Variants in ZNF875 observed in about 807,000 individuals in gnomAD.
ZNF875 encodes the protein zinc finger protein 875, also known as HKR1, GLI-Kruppel zinc finger family member.
In ZNF875, 14 loss-of-function variants were observed where a neutral mutation model predicts 11.2. The observed-to-expected ratio is 1.26, with a 90% CI of 0.83 to 1.96. ZNF875 has a LOEUF of 1.96. ZNF875 is among the 30% of genes most tolerant of loss of function. ZNF875 has a pLI of 0.00. For missense variants in ZNF875, 752 were observed against 760.4 expected, an observed-to-expected ratio of 0.99 and a Z score of 0.13; for synonymous variants, 301 against 281.1, an observed-to-expected ratio of 1.07 and a Z score of -0.71.
upstream of ZNF875, among the ~76,000 whole-genome samples, chr19:37,331,728 C>T (rs563607963): frequency 8.8e-5 from 13 of 147,762 alleles, no homozygotes; most frequent in East Asian, 2.5e-3. Context: ...AGGTATTGTC[C>T]AAGGTTTCTC....
rs3745764 is a variant in ZNF875, at chr19:37,363,678, C to T, written c.1826C>T (p.Thr609Ile). 398,403 of 1,613,314 alleles carry T rather than the reference C, an allele frequency of 0.25. 50,731 individuals carry two copies. Among genetic ancestry groups the T allele is most frequent in the Middle Eastern group, 0.3 (1,822 of 6,054 alleles). The change falls in exon 5 of 5, where the codon ACA (threonine) becomes ATA (isoleucine). Residue 609 changes from threonine to isoleucine, a missense_variant. Thr to Ile is a moderately conservative substitution (Grantham distance 89, BLOSUM62 -1). Transcript: ENST00000392153. The part of the protein sequence containing the change: ...RQSHLIRHQR[T>I]HSGEKPYICR... ...TCACACCTCATTAGACACCAGAGGA[C>T]ACATTCAGGAGAGAAGCCTTATATT...
intron 2 of ZNF875, chr19:37,346,914 A>G: frequency 3.4e-6 from 1 of 293,038 alleles, no homozygotes; most frequent in Admixed American, 4.9e-5. Flanking sequence ...CCCAGGCTGG[A>G]GTGCAATGGC....
At chr19:37,334,618 C>T, upstream of ZNF875, 2 of 452,810 alleles carry the variant, frequency 4.4e-6, no homozygotes, top group South Asian at 1.6e-5. Context: ...CCCCTCCCTA[C>T]CCTTCAGTGT....
chr19:37,330,428 C>T (rs996608688), upstream of ZNF875, among the ~76,000 whole-genome samples: 3 of 152,186 alleles, frequency 2.0e-5, no homozygotes, highest in Non-Finnish European at 2.9e-5. Flanking sequence ...TAGCCTGATC[C>T]TTGTGCACCC....
At position 37,334,696 on chromosome 19, in the gene ZNF875, A is replaced by G. The variant is rs1250652846; in HGVS notation, c.-143A>G. The G allele has an allele frequency of 4.4e-6, 2 of 456,004 alleles. No homozygotes were observed. The highest frequency in any genetic ancestry group is 1.5e-5 in the South Asian group (1 of 64,562). The allele number at this position is 456,004 out of a possible 1,614,324, so 28.2% of individuals were successfully genotyped here. ...GCGTTAAGCTGGTTGGGACCCGGGA[A>G]GGCCTCCCTCTTAAGGTCTTTCCCA... On this transcript the variant is annotated 5_prime_UTR_variant, in exon 1 of 5. Transcript: ENST00000392153.
upstream of ZNF875, among the ~76,000 whole-genome samples, chr19:37,334,255 G>A (rs1176084478): frequency 1.3e-5 from 2 of 152,140 alleles, no homozygotes; most frequent in African/African-American, 4.8e-5. Context: ...CCTGAGCCGC[G>A]TCTGTCCCGA....
intron 4 of ZNF875, 54 bp from the exon 5 acceptor site, chr19:37,362,055 A>G (rs2040025888): frequency 8.1e-7 from 1 of 1,233,240 alleles, no homozygotes; most frequent in African/African-American, 1.5e-5. Context: ...GCAAGGCAAA[A>G]TTGCCTACAC....
At position 37,363,576 on chromosome 19, in the gene ZNF875, TCA is replaced by T. The variant is rs1491112692; in HGVS notation, c.1725_1726del (p.Ile576Ter). ...CAAGGCTTTTGTGCTAAGTTAACTC[TCA>T]TTAAACACCAGAGAGCACACGCAGG... is the stretch of plus-strand genomic sequence containing the variant. On this transcript the variant is annotated frameshift_variant, in exon 5 of 5. Transcript: ENST00000392153. LOFTEE classifies it low-confidence loss of function (END_TRUNC). 10 of 1,613,624 alleles carry T rather than the reference TCA, an allele frequency of 6.2e-6. No individual in the cohort carries two copies. The highest frequency in any genetic ancestry group is 8.5e-6 in the Non-Finnish European group (10 of 1,179,912).
chr19:37,316,514 C>T (rs573405856), upstream of ZNF875, among the ~76,000 whole-genome samples: 4 of 151,862 alleles, frequency 2.6e-5, no homozygotes, highest in Admixed American at 2.6e-4. Context: ...CGATTACAGG[C>T]ATGTGCCACC....
intron 4 of ZNF875, among the ~76,000 whole-genome samples, chr19:37,361,410 G>A (rs1253324455): frequency 2.0e-5 from 3 of 152,062 alleles, no homozygotes; most frequent in Non-Finnish European, 2.9e-5. Context: ...TTGAGAACAC[G>A]TGCAATATTT....
At chr19:37,358,314 T>A (rs537248887) in intron 4 of ZNF875, among the ~76,000 whole-genome samples, 6 of 151,076 alleles carry the variant, frequency 4.0e-5, no homozygotes, top group African/African-American at 1.2e-4. Context: ...CCTGGCTATA[T>A]TTTTGTATTT....
Position 37,362,765 on chromosome 19 carries a change from T to A in ZNF875, c.913T>A (p.Ser305Thr). The A allele has an allele frequency of 1.9e-6, 3 of 1,613,598 alleles. No individual in the cohort carries two copies. The highest frequency in any genetic ancestry group is 2.5e-6 in the Non-Finnish European group (3 of 1,179,826). ...SNLITHQRTH[S>T]GEKPYVCKDC... The stretch of plus-strand genomic sequence containing the variant: ...CCTGATCACACATCAGAGGACACAC[T>A]CAGGGGAGAAACCTTATGTGTGCAA... The change falls in exon 5 of 5, where the codon TCA (serine) becomes ACA (threonine). Residue 305 changes from serine to threonine, a missense_variant. Coordinates refer to ENST00000392153, the MANE Select transcript of ZNF875 (RefSeq NM_001353803.2).
chr19:37,348,213 C>A (rs952776006), intron 4 of ZNF875, among the ~76,000 whole-genome samples: 1 of 152,234 alleles, frequency 6.6e-6, no homozygotes, highest in Admixed American at 6.5e-5. Context: ...TTTCTAGCTA[C>A]TCTTATGCTA....
chr19:37,334,957 T>G, intron 1 of ZNF875, 175 bp downstream of exon 1: 1 of 493,110 alleles, frequency 2.0e-6, no homozygotes, highest in South Asian at 1.9e-5. Context: ...CTCCGTTGCT[T>G]GGGGACAAGG....
At chr19:37,313,009 T>C (rs1415086074), upstream of ZNF875, 1 of 152,088 alleles carries the variant, frequency 6.6e-6, no homozygotes, top group African/African-American at 2.4e-5. Flanking sequence ...ACAACCCACT[T>C]GCACACCACC....
chr19:37,346,865 CT>C (rs10577168), intron 2 of ZNF875: 43,746 of 213,136 alleles, frequency 0.21, 2,832 homozygotes, highest in Middle Eastern at 0.22. Flanking sequence ...ACCTCTCATT[CT>C]TTTTTTTTTT....
At chr19:37,353,874 T>C (rs2038389938) in intron 4 of ZNF875, among the ~76,000 whole-genome samples, 1 of 152,212 alleles carries the variant, frequency 6.6e-6, no homozygotes, top group Non-Finnish European at 1.5e-5. Context: ...GTGTTTCTAC[T>C]ACTTAAGCAT....
chr19:37,334,676 A>T lies in ZNF875; in HGVS notation c.-163A>T. The T allele has an allele frequency of 6.6e-6, 3 of 455,988 alleles. No individual in the cohort carries two copies. Among genetic ancestry groups the T allele is most frequent in the Non-Finnish European group, 1.3e-5 (3 of 226,796 alleles). The allele number at this position is 455,988 out of a possible 1,614,324, so 28.2% of individuals were successfully genotyped here. ...TTCCGGTCGGTGGCCCAGGCGCGTT[A>T]AGCTGGTTGGGACCCGGGAAGGCCT... On this transcript the variant is annotated 5_prime_UTR_variant, in exon 1 of 5. Transcript: ENST00000392153.
intron 1 of ZNF875, among the ~76,000 whole-genome samples, chr19:37,318,387 A>G (rs886892059): frequency 2.6e-5 from 4 of 152,168 alleles, no homozygotes; most frequent in African/African-American, 9.7e-5. Context: ...CAGTTGTATT[A>G]TTTAGTGGAC....
Sources: allele counts gnomAD v4.1 joint callset (sites outside exome capture counted in the v4.1 genomes callset), GRCh38; gene constraint gnomAD v4.1.1; transcripts MANE v1.5; gene names NCBI Gene and HGNC (gene_info 2026-07-23, HGNC 2026-07-21).